Variants in CBFB observed in about 807,000 individuals in gnomAD.
The protein encoded by CBFB is CBF-beta.
Under a neutral mutation model 30.4 loss-of-function variants are expected in CBFB, and 9 were observed. The ratio of observed to expected loss-of-function variants is 0.30; its 90% CI spans 0.18 to 0.52. CBFB has a LOEUF of 0.52. CBFB is among the 20% of genes least tolerant of loss of function. The pLI is 0.97. For synonymous variants in CBFB, 94 were observed against 84.0 expected (o/e 1.12, Z -0.65); for missense variants, 170 against 244.0 (o/e 0.70, Z 2.02).
intron 3 of CBFB, among the ~76,000 whole-genome samples, chr16:67,050,893 G>A (rs1966728040): frequency 6.6e-6 from 1 of 152,194 alleles, no homozygotes; most frequent in Non-Finnish European, 1.5e-5. Context: ...CTGCCATACT[G>A]CAGCAGGATG....
At chr16:67,082,140 A>AC (rs1157656703) in intron 4 of CBFB, 73 bp from the exon 5 acceptor site, 7 of 1,311,756 alleles carry the variant, frequency 5.3e-6, no homozygotes, top group African/African-American at 4.5e-5. Flanking sequence ...AAAAAAAAAA[A>AC]AAAAACAAAA....
intron 3 of CBFB, among the ~76,000 whole-genome samples, chr16:67,055,844 T>G (rs1477646776): frequency 6.6e-6 from 1 of 152,208 alleles, no homozygotes. Flanking sequence ...GACTGTCCAT[T>G]TATGAACAGG....
intron 5 of CBFB, among the ~76,000 whole-genome samples, chr16:67,092,696 A>ATTTTTTTTTTTTTTTTTTTT (rs1162307047): frequency 2.0e-4 from 19 of 94,676 alleles, no homozygotes; most frequent in African/African-American, 3.3e-4. Flanking sequence ...CAGTGGTGCA[A>ATTTTTTTTTTTTTTTTTTTT]TCTTTTTTTT....
chr16:67,060,283 T>TTTTA (rs1960870031), intron 3 of CBFB, among the ~76,000 whole-genome samples: 1 of 152,172 alleles, frequency 6.6e-6, no homozygotes. Context: ...CTTTAAAAAA[T>TTTTA]GACAGCTCAT....
chr16:67,066,582 T>G (rs867735485), intron 3 of CBFB, 100 bp from the exon 4 acceptor site: 16 of 602,232 alleles, frequency 2.7e-5, no homozygotes, highest in Middle Eastern at 5.0e-4. Flanking sequence ...AATCATAATT[T>G]TATTCATCTT....
At chr16:67,053,044 T>G (rs1960604027) in intron 3 of CBFB, among the ~76,000 whole-genome samples, 1 of 151,382 alleles carries the variant, frequency 6.6e-6, no homozygotes. Context: ...AAAGAAAACT[T>G]TACAGTTCTT....
chr16:67,067,360 A>G (rs1179828597), intron 4 of CBFB, among the ~76,000 whole-genome samples: 1 of 152,170 alleles, frequency 6.6e-6, no homozygotes, highest in Non-Finnish European at 1.5e-5. Context: ...TCTGCTAAAA[A>G]TATAAAAATT....
At chr16:67,056,511 CGT>C (rs374921594) in intron 3 of CBFB, among the ~76,000 whole-genome samples, 2 of 151,874 alleles carry the variant, frequency 1.3e-5, no homozygotes, top group African/African-American at 4.8e-5. Context: ...AATGGCAAGT[CGT>C]GTGTGTGTGT....
intron 4 of CBFB, among the ~76,000 whole-genome samples, chr16:67,078,951 C>T (rs1194594411): frequency 6.6e-6 from 1 of 152,176 alleles, no homozygotes; most frequent in Non-Finnish European, 1.5e-5. Context: ...TGAGCCACCG[C>T]ACCAGGCCCA....
chr16:67,098,055 A>C (rs532045211), intron 5 of CBFB, among the ~76,000 whole-genome samples: 13 of 152,320 alleles, frequency 8.5e-5, no homozygotes, highest in Admixed American at 8.5e-4. Flanking sequence ...CACTTGGCTA[A>C]TGTGTTAAAG....
At position 67,032,951 on chromosome 16, in the gene CBFB, T is replaced by C. The variant is rs533541001; in HGVS notation, c.165+3138T>C. ...GTGCAGTGGCATGATCTTGGCTCAG[T>C]GCAACCTCCGTCCCCCATGTTCAAG... On this transcript the variant is annotated intron_variant, in intron 2 of 5. Transcript: ENST00000412916. 5.9e-5 allele frequency among the ~76,000 whole-genome samples: 9 copies of C among 152,282 alleles called. 1 individual carries two copies. The highest frequency in any genetic ancestry group is 2.2e-4 in the African/African-American group (9 of 41,566).
chr16:67,070,801 A>T (rs1281754576), intron 4 of CBFB, among the ~76,000 whole-genome samples: 4 of 151,978 alleles, frequency 2.6e-5, no homozygotes, highest in Non-Finnish European at 1.5e-5. Context: ...CAATGAGCCG[A>T]GATCACACCA....
At chr16:67,094,277 T>C (rs1961979989) in intron 5 of CBFB, among the ~76,000 whole-genome samples, 1 of 152,096 alleles carries the variant, frequency 6.6e-6, no homozygotes, top group Non-Finnish European at 1.5e-5. Flanking sequence ...TTGTTCCTAC[T>C]CTTGACTCTT....
chr16:67,052,403 TTAAAAAA>T (rs1328937567), intron 3 of CBFB, among the ~76,000 whole-genome samples: 2 of 151,546 alleles, frequency 1.3e-5, no homozygotes, highest in African/African-American at 4.9e-5. Flanking sequence ...GACCCCATCC[TTAAAAAA>T]TAAAAACATT....
intron 5 of CBFB, among the ~76,000 whole-genome samples, chr16:67,095,346 G>A (rs753237699): frequency 1.3e-4 from 19 of 151,432 alleles, no homozygotes; most frequent in Non-Finnish European, 1.9e-4. Context: ...GTGAAACCCC[G>A]TCTGTACTAA....
intron 3 of CBFB, among the ~76,000 whole-genome samples, chr16:67,044,156 G>T (rs1966582268): frequency 6.6e-6 from 1 of 152,094 alleles, no homozygotes; most frequent in African/African-American, 2.4e-5. Context: ...TCAGATTAAT[G>T]GTTTTTACAT....
intron 4 of CBFB, among the ~76,000 whole-genome samples, chr16:67,075,196 A>ATGTGTGT (rs1555538289): frequency 2.4e-5 from 1 of 42,116 alleles, no homozygotes; most frequent in African/African-American, 1.2e-4. Flanking sequence ...TCTCAAAAAA[A>ATGTGTGT]ATGTGTGTGT....
intron 4 of CBFB, among the ~76,000 whole-genome samples, chr16:67,071,666 A>G (rs1458948293): frequency 6.6e-6 from 1 of 152,202 alleles, no homozygotes; most frequent in East Asian, 1.9e-4. Flanking sequence ...TCCAGGCCTC[A>G]GATTTCTCCT....
chr16:67,047,641 TTGC>T (rs1264562760), intron 3 of CBFB, among the ~76,000 whole-genome samples: 1 of 152,234 alleles, frequency 6.6e-6, no homozygotes, highest in Admixed American at 6.5e-5. Context: ...GTGGCCCTGT[TTGC>T]AGAACAGTGT....
Sources: gnomAD v4.1 joint callset for allele counts (sites outside exome capture counted in the v4.1 genomes callset) on GRCh38, gnomAD v4.1.1 for gene constraint, MANE v1.5 for transcripts, NCBI Gene and HGNC (gene_info 2026-07-23, HGNC 2026-07-21) for gene names.